Variants in GRM7 observed in about 807,000 individuals in gnomAD.
GRM7 encodes glutamate metabotropic receptor 7, also known as metabotropic glutamate receptor 7.
In GRM7, 35 loss-of-function variants were observed where a neutral mutation model predicts 84.5. The observed-to-expected ratio is 0.41, with a 90% CI of 0.32 to 0.55. The LOEUF (loss-of-function observed/expected upper bound fraction) is 0.55. Among genes scored for constraint, GRM7 ranks in the 20% least tolerant of loss-of-function variants. GRM7 has a pLI of 0.19. For missense variants in GRM7, 1,003 were observed against 1,194.6 expected (o/e 0.84, Z 2.36); for synonymous variants, 487 against 455.1 (o/e 1.07, Z -0.89).
In GRM7 at chr3:7,103,794, CTTTCTTTCTTTCTTTCTTTCTT is replaced by C. The variant is rs754016104; in HGVS notation, c.520-42656_520-42635del. Among the ~76,000 whole-genome samples the C allele has an allele frequency of 9.9e-3, 1,117 of 112,636 alleles. 13 individuals carry two copies. Among genetic ancestry groups the C allele is most frequent in the South Asian group, 0.015 (54 of 3,604 alleles). 73.9% of individuals were successfully genotyped at this position (112,636 alleles called of 152,430 possible). On this transcript the variant is annotated intron_variant, in intron 1 of 9. Transcript: ENST00000357716. ...TCTTTCTTTCTTTCTTTCTTTCTTT[CTTTCTTTCTTTCTTTCTTTCTT>C]TCTCTCTCTCTCTGTCTCTCTCTCC...
At chr3:7,431,191 C>T (rs1427875580) in intron 5 of GRM7, among the ~76,000 whole-genome samples, 1 of 152,098 alleles carries the variant, frequency 6.6e-6, no homozygotes, top group Admixed American at 6.5e-5. Flanking sequence ...AATTATCAAA[C>T]TCTAGTCTGT....
intron 4 of GRM7, among the ~76,000 whole-genome samples, chr3:7,343,223 G>T (rs976850336): frequency 2.6e-5 from 4 of 151,854 alleles, no homozygotes; most frequent in South Asian, 2.1e-4. Flanking sequence ...CTTTTAAGAG[G>T]TGTTTTTTTT....
chr3:7,133,314 G>A (rs1693665279), intron 1 of GRM7, among the ~76,000 whole-genome samples: 1 of 152,218 alleles, frequency 6.6e-6, no homozygotes, highest in Admixed American at 6.5e-5. Flanking sequence ...CAGACCTCCG[G>A]CCCAGTAGTC....
chr3:7,717,680 G>A (rs1255138412), intron 9 of GRM7, among the ~76,000 whole-genome samples: 1 of 152,148 alleles, frequency 6.6e-6, no homozygotes, highest in Non-Finnish European at 1.5e-5. Context: ...CAGGTGCAAT[G>A]GCCCACCAGC....
intron 2 of GRM7, among the ~76,000 whole-genome samples, chr3:7,155,144 T>C (rs1694407854): frequency 6.6e-6 from 1 of 152,192 alleles, no homozygotes; most frequent in African/African-American, 2.4e-5. Flanking sequence ...ACTCATATCA[T>C]GGTGCTCAAA....
chr3:7,120,631 A>G (rs1475773087), intron 1 of GRM7, among the ~76,000 whole-genome samples: 1 of 152,166 alleles, frequency 6.6e-6, no homozygotes, highest in Non-Finnish European at 1.5e-5. Context: ...TATATTCTAC[A>G]TTAAATATGC....
chr3:7,467,920 T>C (rs1248463414), intron 7 of GRM7, among the ~76,000 whole-genome samples: 3 of 152,214 alleles, frequency 2.0e-5, no homozygotes, highest in Non-Finnish European at 4.4e-5. Context: ...TAAACTGAGG[T>C]GATTCAAATT....
At chr3:6,878,362 AT>A (rs1695387694) in intron 1 of GRM7, among the ~76,000 whole-genome samples, 1 of 133,642 alleles carries the variant, frequency 7.5e-6, no homozygotes, top group South Asian at 2.5e-4. Flanking sequence ...TCAAAGGGTG[AT>A]TTTTTATGTG....
In GRM7 at chr3:7,188,682, A is replaced by G. The variant is rs891354581; in HGVS notation, c.736+42014A>G. Among the ~76,000 whole-genome samples the G allele has an allele frequency of 1.3e-4, 20 of 152,162 alleles. No individual in the cohort carries two copies. Among genetic ancestry groups the G allele is most frequent in the African/African-American group, 3.9e-4 (16 of 41,438 alleles). On this transcript the variant is annotated intron_variant, in intron 2 of 9. Transcript: ENST00000357716. This position sits in a 1 kb window ranked among gnomAD's most constrained non-coding sequence, Gnocchi z 4.2. ...ATAGATCTCTCAGTTTCAACAGTGT[A>G]GCAGAGGAGTTTATTTCTCATTCCT...
At chr3:7,250,174 C>T (rs1316688011) in intron 2 of GRM7, among the ~76,000 whole-genome samples, 1 of 152,046 alleles carries the variant, frequency 6.6e-6, no homozygotes, top group South Asian at 2.1e-4. Flanking sequence ...CCTAAATAAT[C>T]AGAGCTGCAA....
intron 9 of GRM7, among the ~76,000 whole-genome samples, chr3:7,714,602 T>A (rs1270864901): frequency 6.6e-6 from 1 of 152,132 alleles, no homozygotes; most frequent in Non-Finnish European, 1.5e-5. Context: ...CCTCTACACA[T>A]TACAGTTTGA....
rs576366926 is a variant in GRM7 at position 7,046,251 on chromosome 3, G to T, written c.520-100201G>T. 4.6e-5 allele frequency among the ~76,000 whole-genome samples: 7 copies of T among 152,116 alleles called. No individual in the cohort carries two copies. The South Asian group carries it at 1.5e-3, about 32-fold the overall frequency. ...TTGTTTGTTTGTTTGCTATTGAATC[G>T]AATGAGTGTTTTATAGATTTCTAAA... is the stretch of plus-strand genomic sequence containing the variant. On this transcript the variant is annotated intron_variant, in intron 1 of 9. Transcript: ENST00000357716.
At chr3:7,390,302 C>A (rs544353035) in intron 4 of GRM7, among the ~76,000 whole-genome samples, 1 of 152,036 alleles carries the variant, frequency 6.6e-6, no homozygotes, top group African/African-American at 2.4e-5. Flanking sequence ...GTGTGTTGAC[C>A]TTGGATAGTT....
At chr3:6,865,507 C>T (rs1401936360) in intron 1 of GRM7, among the ~76,000 whole-genome samples, 1 of 151,422 alleles carries the variant, frequency 6.6e-6, no homozygotes, top group Non-Finnish European at 1.5e-5. Context: ...ACATGCTCTA[C>T]ACTATAGACT....
chr3:7,230,703 G>A (rs1310464434), intron 2 of GRM7, among the ~76,000 whole-genome samples: 1 of 152,198 alleles, frequency 6.6e-6, no homozygotes, highest in Non-Finnish European at 1.5e-5. Context: ...GTTTTCTTGT[G>A]AGGAGCGTTT....
intron 2 of GRM7, among the ~76,000 whole-genome samples, chr3:7,290,031 TAAAA>T (rs967044652): frequency 4.3e-4 from 65 of 151,948 alleles, no homozygotes; most frequent in African/African-American, 1.5e-3. Flanking sequence ...AAAATAAAAA[TAAAA>T]AAAGAAAAGT....
At chr3:7,704,872 A>G (rs1378207338) in intron 9 of GRM7, among the ~76,000 whole-genome samples, 1 of 152,176 alleles carries the variant, frequency 6.6e-6, no homozygotes, top group Non-Finnish European at 1.5e-5. Flanking sequence ...TCAGGTGGAT[A>G]GAGAACCTCC....
chr3:7,229,179 A>T (rs1697079921), intron 2 of GRM7, among the ~76,000 whole-genome samples: 1 of 152,182 alleles, frequency 6.6e-6, no homozygotes, highest in Non-Finnish European at 1.5e-5. Flanking sequence ...TATCGGAGTA[A>T]CTTTACAATT....
chr3:7,317,361 C>T (rs1700620905), intron 4 of GRM7, among the ~76,000 whole-genome samples: 1 of 151,960 alleles, frequency 6.6e-6, no homozygotes, highest in Non-Finnish European at 1.5e-5. Context: ...TTGTAAGTGA[C>T]AAAAAGTCAT....
Sources: gnomAD v4.1 joint callset for allele counts (sites outside exome capture counted in the v4.1 genomes callset) on GRCh38, gnomAD v4.1.1 for gene constraint, Gnocchi (gnomAD v3.1) non-coding constraint, MANE v1.5 for transcripts, NCBI Gene and HGNC (gene_info 2026-07-23, HGNC 2026-07-21) for gene names.